Variants in TTC17 observed in about 807,000 individuals in gnomAD.
The protein encoded by TTC17 is tetratricopeptide repeat protein 17.
In TTC17, 58 loss-of-function variants were observed where a neutral mutation model predicts 143.8. The observed-to-expected ratio is 0.40, with a 90% CI of 0.33 to 0.50. TTC17 has a LOEUF of 0.50. Ranked by LOEUF, TTC17 falls within the 20% of genes least tolerant of loss-of-function variation. The probability of loss-of-function intolerance (pLI) is 0.49; values close to 1 mark genes in which losing one functional copy is unlikely to be tolerated. For missense variants in TTC17, 1,273 were observed against 1,392.5 expected, an observed-to-expected ratio of 0.91 and a Z score of 1.37; for synonymous variants, 501 against 497.8, an observed-to-expected ratio of 1.01 and a Z score of -0.09.
chr11:43,407,664 A>C, intron 15 of TTC17, 87 bp downstream of exon 15: 1 of 1,258,436 alleles, frequency 7.9e-7, no homozygotes, highest in East Asian at 2.5e-5. Flanking sequence ...TAGGGAAAGC[A>C]TAAAAAATGT....
chr11:43,414,178 T>A (rs1011701559), intron 15 of TTC17, among the ~76,000 whole-genome samples: 2 of 152,094 alleles, frequency 1.3e-5, no homozygotes, highest in Non-Finnish European at 2.9e-5. Flanking sequence ...AGGACACATA[T>A]TACATGTACT....
intron 16 of TTC17, among the ~76,000 whole-genome samples, chr11:43,441,087 T>C (rs1046186907): frequency 5.2e-5 from 7 of 134,598 alleles, no homozygotes; most frequent in Non-Finnish European, 1.0e-4. Flanking sequence ...CTGGCCAACA[T>C]AGCAAAACCC....
At chr11:43,416,940 A>T (rs1351173878) in intron 16 of TTC17, among the ~76,000 whole-genome samples, 1 of 152,206 alleles carries the variant, frequency 6.6e-6, no homozygotes, top group Admixed American at 6.5e-5. Flanking sequence ...CTGCTGGTAG[A>T]CTTAAAATCA....
At chr11:43,440,485 C>T (rs557176029) in intron 16 of TTC17, among the ~76,000 whole-genome samples, 2 of 152,288 alleles carry the variant, frequency 1.3e-5, no homozygotes, top group South Asian at 4.2e-4. Context: ...TTGAGCCTAT[C>T]CTATTACTAA....
In TTC17 at chr11:43,397,901, C is replaced by CGTGTGTGT. The variant is rs368934799; in HGVS notation, c.919-30_919-23dup. On this transcript the variant is annotated intron_variant, in intron 7 of 23. Coordinates refer to ENST00000039989, the MANE Select transcript of TTC17 (RefSeq NM_018259.6). ...AGGCCGTGGCTAACATTTTTTTTTCCGTGTGTGTGTGTGTGTGTGTGTGTG... is the reference window on the plus strand; with the variant it reads ...AGGCCGTGGCTAACATTTTTTTTTCCGTGTGTGTGTGTGTGTGTGTGTGTGTGTGTGTG... 3.8e-4 allele frequency: 478 copies of CGTGTGTGT among 1,253,620 alleles called. 4 individuals are homozygous for CGTGTGTGT. Among genetic ancestry groups the CGTGTGTGT allele is most frequent in the East Asian group, 8.8e-4 (29 of 32,840 alleles). The allele number at this position is 1,253,620 out of a possible 1,614,324, so 77.7% of individuals were successfully genotyped here.
At chr11:43,391,780 T>A in intron 4 of TTC17, 41 bp from the exon 5 acceptor site, 2 of 1,596,046 alleles carry the variant, frequency 1.3e-6, no homozygotes, top group South Asian at 2.3e-5. Flanking sequence ...TCATCTTTTA[T>A]ATCCTTTGAT....
Position 43,397,316 on chromosome 11 carries a change from A to G in TTC17, c.774-31A>G, listed in dbSNP as rs760195426. The G allele has an allele frequency of 4.4e-6, 7 of 1,586,740 alleles. 1 individual carries two copies. The South Asian group carries it at 4.5e-5, about 10-fold the overall frequency. On this transcript the variant is annotated intron_variant, in intron 6 of 23. Transcript: ENST00000039989. ...ATTTTTCCTTGTCAAGTGGTTCTAC[A>G]TAATCATGGAATATGTGCTGCTTTC...
intron 8 of TTC17, among the ~76,000 whole-genome samples, chr11:43,398,945 A>T (rs1009028949): frequency 2.6e-5 from 4 of 152,216 alleles, no homozygotes; most frequent in Admixed American, 2.0e-4. Context: ...TTCCAGTATC[A>T]TGCTCTTAAT....
At chr11:43,374,668 A>G (rs948197778) in intron 1 of TTC17, among the ~76,000 whole-genome samples, 8 of 151,934 alleles carry the variant, frequency 5.3e-5, no homozygotes, top group Non-Finnish European at 8.8e-5. Flanking sequence ...GCTCAACATC[A>G]CTAATCACTA....
chr11:43,370,623 A>G (rs1426658927), intron 1 of TTC17, among the ~76,000 whole-genome samples: 1 of 152,184 alleles, frequency 6.6e-6, no homozygotes, highest in Non-Finnish European at 1.5e-5. Flanking sequence ...TGACCTGTGG[A>G]TAGCACATTA....
At chr11:43,419,524 A>G (rs1238180897) in intron 16 of TTC17, among the ~76,000 whole-genome samples, 2 of 152,224 alleles carry the variant, frequency 1.3e-5, no homozygotes, top group Non-Finnish European at 2.9e-5. Context: ...TGTTGAAGAA[A>G]AAGAAATCCT....
At chr11:43,424,401 A>G (rs1946976668) in intron 16 of TTC17, among the ~76,000 whole-genome samples, 1 of 151,964 alleles carries the variant, frequency 6.6e-6, no homozygotes, top group African/African-American at 2.4e-5. Flanking sequence ...GCCAAGAATC[A>G]TTCTTTAAAA....
intron 16 of TTC17, among the ~76,000 whole-genome samples, chr11:43,431,939 A>G (rs898910753): frequency 6.6e-6 from 1 of 152,224 alleles, no homozygotes; most frequent in African/African-American, 2.4e-5. Context: ...TGCTCTTACA[A>G]AGTTTTGATG....
chr11:43,391,596 ATTT>A lies in TTC17; in HGVS notation c.531+31_531+33del. The A allele has an allele frequency of 8.1e-7, 1 of 1,241,696 alleles. No individual in the cohort carries two copies. The highest frequency in any genetic ancestry group is 1.4e-5 in the South Asian group (1 of 70,762). 76.9% of individuals were successfully genotyped at this position (1,241,696 alleles called of 1,614,324 possible). On this transcript the variant is annotated intron_variant, in intron 4 of 23. Coordinates refer to ENST00000039989, the MANE Select transcript of TTC17 (RefSeq NM_018259.6). ...TTGAGAGTAAGTAGAGAACTTTAGG[ATTT>A]TTTTTTTTTTGCGTTGCGTTCTTCT... is the stretch of plus-strand genomic sequence containing the variant.
chr11:43,387,547 G>C (rs1857215047), intron 2 of TTC17, among the ~76,000 whole-genome samples: 1 of 152,138 alleles, frequency 6.6e-6, no homozygotes, highest in Non-Finnish European at 1.5e-5. Flanking sequence ...TAAACAATAA[G>C]GTCATGCTAA....
rs761392910 is a variant in TTC17 at position 43,407,533 on chromosome 11, G to A, written c.2020G>A (p.Ala674Thr). ...GATTCATTACGGCCTTCATCTTGAT[G>A]CCACTAAGCTGCTACTTCAAGCTTT... ...LLIHYGLHLD[A>T]TKLLLQALAI... The change falls in exon 15 of 24, where the codon GCC becomes ACC. Residue 674 changes from alanine to threonine, a missense_variant. By Grantham distance (58) the Ala-to-Thr change is moderately conservative (BLOSUM62 0). Transcript: ENST00000039989. The A allele has an allele frequency of 6.2e-7, 1 of 1,613,926 alleles. No homozygotes were observed. The highest frequency in any genetic ancestry group is 2.2e-5 in the East Asian group (1 of 44,858).
intron 1 of TTC17, among the ~76,000 whole-genome samples, chr11:43,362,980 T>G (rs1228674728): frequency 6.6e-6 from 1 of 152,198 alleles, no homozygotes; most frequent in African/African-American, 2.4e-5. Flanking sequence ...TGTGCTGTTT[T>G]CCTAGCTTTG....
intron 2 of TTC17, among the ~76,000 whole-genome samples, chr11:43,382,078 A>G (rs1171180948): frequency 1.3e-5 from 2 of 152,220 alleles, no homozygotes; most frequent in Admixed American, 1.3e-4. Flanking sequence ...GACTAGATAA[A>G]ACAGTTTATC....
chr11:43,372,817 G>A (rs1014986534), intron 1 of TTC17, among the ~76,000 whole-genome samples: 1 of 152,038 alleles, frequency 6.6e-6, no homozygotes, highest in South Asian at 2.1e-4. Context: ...GATGTTCATT[G>A]TAATATTGTT....
Sources: gnomAD v4.1 joint callset for allele counts (sites outside exome capture counted in the v4.1 genomes callset) on GRCh38, gnomAD v4.1.1 for gene constraint, MANE v1.5 for transcripts, NCBI Gene and HGNC (gene_info 2026-07-23, HGNC 2026-07-21) for gene names.